The following TNFSF4 variants were observed in gnomAD, a reference collection of about 807,000 sequenced individuals.
The protein encoded by TNFSF4 is TNF superfamily member 4.
TNFSF4 carries 4 observed loss-of-function variants against 7.3 expected under a neutral mutation model. The ratio of observed to expected loss-of-function variants is 0.55; its 90% CI spans 0.27 to 1.25. The LOEUF is 1.25. Among genes scored for constraint, TNFSF4 ranks in the 50% most tolerant of loss-of-function variants. The pLI is 0.12. For synonymous variants in TNFSF4, 76 were observed against 83.7 expected, an observed-to-expected ratio of 0.91 and a Z score of 0.50; for missense variants, 181 against 208.8, an observed-to-expected ratio of 0.87 and a Z score of 0.82.
chr1:173,273,594 G>A, the TNFSF4 span, among the ~76,000 whole-genome samples: 2 of 152,060 alleles, frequency 1.3e-5, no homozygotes, highest in Non-Finnish European at 2.9e-5. Context: ...AAATGTAGAT[G>A]ATTAGATCGT....
the TNFSF4 span, among the ~76,000 whole-genome samples, chr1:173,391,882 C>G: frequency 6.6e-6 from 1 of 152,150 alleles, no homozygotes. Context: ...AAATAAAAAG[C>G]AGGACCTTGT....
the TNFSF4 span, among the ~76,000 whole-genome samples, chr1:173,326,297 C>G: frequency 5.9e-5 from 9 of 152,258 alleles, no homozygotes; most frequent in African/African-American, 2.2e-4. Flanking sequence ...GCAGAAAAGG[C>G]CTTTGACAAA....
the TNFSF4 span, among the ~76,000 whole-genome samples, chr1:173,238,460 T>C: frequency 6.7e-6 from 1 of 149,166 alleles, no homozygotes; most frequent in African/African-American, 2.4e-5. Context: ...ACTGTCAGAG[T>C]AAACAGGCAA....
the TNFSF4 span, among the ~76,000 whole-genome samples, chr1:173,356,123 G>A: frequency 3.3e-5 from 5 of 152,136 alleles, no homozygotes; most frequent in Non-Finnish European, 7.4e-5. Flanking sequence ...GAAAAATAAG[G>A]CAGGCTTATG....
the TNFSF4 span, among the ~76,000 whole-genome samples, chr1:173,270,727 GAAGCAAA>G: frequency 1.3e-5 from 2 of 152,068 alleles, no homozygotes; most frequent in Admixed American, 1.3e-4. Flanking sequence ...TAAAGAAAAG[GAAGCAAA>G]AAGCAAAAAC....
chr1:173,203,628 C>A (rs752476810), intron 1 of TNFSF4, among the ~76,000 whole-genome samples: 8 of 152,034 alleles, frequency 5.3e-5, no homozygotes. Context: ...CCAGCTTTCA[C>A]TGATACAGAA....
At chr1:173,359,393 A>T in the TNFSF4 span, among the ~76,000 whole-genome samples, 15 of 151,434 alleles carry the variant, frequency 9.9e-5, no homozygotes, top group Admixed American at 2.0e-4. Context: ...AAAGATTTTA[A>T]AACACAGTTC....
the TNFSF4 span, among the ~76,000 whole-genome samples, chr1:173,367,461 C>T: frequency 6.6e-6 from 1 of 152,326 alleles, no homozygotes; most frequent in South Asian, 2.1e-4. Context: ...ATACCTCCCA[C>T]TTAACCTAAA....
chr1:173,262,420 C>G, the TNFSF4 span, among the ~76,000 whole-genome samples: 5 of 152,206 alleles, frequency 3.3e-5, no homozygotes, highest in Admixed American at 2.0e-4. Context: ...AAAACTGGCA[C>G]AAGACAAGGA....
chr1:173,330,531 G>A, the TNFSF4 span, among the ~76,000 whole-genome samples: 1 of 152,082 alleles, frequency 6.6e-6, no homozygotes, highest in South Asian at 2.1e-4. Flanking sequence ...TTTTCTAACA[G>A]AAAAAGCAGA....
At chr1:173,419,072 G>T in the TNFSF4 span, among the ~76,000 whole-genome samples, 1 of 152,248 alleles carries the variant, frequency 6.6e-6, no homozygotes, top group Non-Finnish European at 1.5e-5. Flanking sequence ...GGGTGCTGTG[G>T]CTCACGCCTG....
At chr1:173,300,287 T>C in the TNFSF4 span, among the ~76,000 whole-genome samples, 71 of 151,890 alleles carry the variant, frequency 4.7e-4, no homozygotes, top group African/African-American at 1.6e-3. Flanking sequence ...CCTACCCATA[T>C]TGGGAGTCTC....
At chr1:173,442,532 GT>G in the TNFSF4 span, among the ~76,000 whole-genome samples, 1 of 141,348 alleles carries the variant, frequency 7.1e-6, no homozygotes, top group African/African-American at 2.6e-5. Context: ...TCGGTTTTTG[GT>G]TTTTCGTTTT....
At chr1:173,356,067 G>A in the TNFSF4 span, among the ~76,000 whole-genome samples, 1 of 152,196 alleles carries the variant, frequency 6.6e-6, no homozygotes, top group Non-Finnish European at 1.5e-5. Context: ...CATTCCCAAG[G>A]TAAACAGATT....
chr1:173,313,241 C>T, the TNFSF4 span, among the ~76,000 whole-genome samples: 1 of 152,040 alleles, frequency 6.6e-6, no homozygotes, highest in African/African-American at 2.4e-5. Context: ...TCTGATTTAT[C>T]ATTTGCCATC....
the TNFSF4 span, among the ~76,000 whole-genome samples, chr1:173,326,751 T>G: frequency 8.6e-5 from 13 of 152,024 alleles, no homozygotes; most frequent in Non-Finnish European, 1.6e-4. Flanking sequence ...AAATCATGAG[T>G]GAACTCCCAT....
chr1:173,342,024 T>C, the TNFSF4 span, among the ~76,000 whole-genome samples: 9 of 152,152 alleles, frequency 5.9e-5, no homozygotes, highest in Admixed American at 5.9e-4. Flanking sequence ...GTGTTGGACT[T>C]TCTGCTAACT....
intron 1 of TNFSF4, among the ~76,000 whole-genome samples, chr1:173,199,182 A>G (rs13343107): frequency 0.32 from 48,366 of 151,988 alleles, 9,032 homozygotes; most frequent in African/African-American, 0.51. Flanking sequence ...AGGGAGGACC[A>G]CGTCTATTTC....
chr1:173,205,346 T>C (rs1191568153), intron 1 of TNFSF4: 4 of 1,611,972 alleles, frequency 2.5e-6, no homozygotes, highest in Non-Finnish European at 1.7e-6. Context: ...AGCACCCTGC[T>C]TTTCTTCCCA....
Sources: gnomAD v4.1 joint callset for allele counts (sites outside exome capture counted in the v4.1 genomes callset) on GRCh38, gnomAD v4.1.1 for gene constraint, MANE v1.5 for transcripts, NCBI Gene and HGNC (gene_info 2026-07-23, HGNC 2026-07-21) for gene names.